Variants in SPTA1 observed in about 807,000 individuals in gnomAD.
SPTA1 encodes the protein spectrin alpha chain, erythrocytic 1.
A neutral mutation model predicts 324.7 loss-of-function variants in SPTA1; 177 were observed. The observed-to-expected ratio is 0.55, with a 90% CI of 0.48 to 0.62. SPTA1 has a LOEUF of 0.62. SPTA1 is among the 20% of genes least tolerant of loss of function. SPTA1 has a pLI of 0.00. For missense variants in SPTA1, 3,162 were observed against 2,883.6 expected, an observed-to-expected ratio of 1.10 and a Z score of -2.21; for synonymous variants, 1,195 against 1,041.3, an observed-to-expected ratio of 1.15 and a Z score of -2.84.
chr1:158,612,684 A>T, intron 51 of SPTA1, 133 bp downstream of exon 51: 1 of 933,788 alleles, frequency 1.1e-6, no homozygotes, highest in South Asian at 1.4e-5. Context: ...AAAGCAAATG[A>T]CATCTTGTGA....
At chr1:158,619,620 T>C (rs538192633) in intron 44 of SPTA1, among the ~76,000 whole-genome samples, 1 of 152,278 alleles carries the variant, frequency 6.6e-6, no homozygotes, top group Admixed American at 6.5e-5. Context: ...ATAATTTCTT[T>C]TGGGGAAATT....
chr1:158,622,936 A>C (rs1435272656), intron 43 of SPTA1, 47 bp downstream of exon 43: 1 of 1,498,510 alleles, frequency 6.7e-7, no homozygotes, highest in African/African-American at 1.4e-5. Context: ...TTCATGGCTA[A>C]TATACAGGTA....
At position 158,640,020 on chromosome 1, in the gene SPTA1, G is replaced by C. The variant is rs1430075582; in HGVS notation, c.4738-13C>G. The C allele has an allele frequency of 6.2e-7, 1 of 1,613,744 alleles. No homozygotes were observed. On this transcript the variant is annotated splice_polypyrimidine_tract_variant and intron_variant, in intron 33 of 51. Coordinates refer to ENST00000643759, the MANE Select transcript of SPTA1 (RefSeq NM_003126.4). ...GTTCCAGTTGCTCCTAACCCAAGGAGAGTGAGGAGTCATTACAATCTTTAG... is the reference window on the plus strand; with the variant it reads ...GTTCCAGTTGCTCCTAACCCAAGGACAGTGAGGAGTCATTACAATCTTTAG...
chr1:158,661,998 GTA>G (rs1653252942), intron 17 of SPTA1, among the ~76,000 whole-genome samples: 1 of 152,092 alleles, frequency 6.6e-6, no homozygotes, highest in Non-Finnish European at 1.5e-5. Flanking sequence ...TATCCTCCCT[GTA>G]TCCTAACCAT....
intron 27 of SPTA1, among the ~76,000 whole-genome samples, chr1:158,646,591 G>C (rs1204361623): frequency 6.6e-6 from 1 of 152,144 alleles, no homozygotes; most frequent in Non-Finnish European, 1.5e-5. Context: ...TGTTAATGTT[G>C]CTCAGGGGTG....
At chr1:158,629,871 G>T (rs1650564446) in intron 39 of SPTA1, among the ~76,000 whole-genome samples, 1 of 151,468 alleles carries the variant, frequency 6.6e-6, no homozygotes. Flanking sequence ...ATCTGAAAAA[G>T]AAATTAAGAA....
intron 8 of SPTA1, among the ~76,000 whole-genome samples, chr1:158,675,436 G>T (rs1175716073): frequency 3.3e-5 from 5 of 152,092 alleles, no homozygotes; most frequent in Non-Finnish European, 7.3e-5. Flanking sequence ...ACAAGCAGGG[G>T]AAGATGGAAA....
intron 12 of SPTA1, among the ~76,000 whole-genome samples, chr1:158,670,055 A>G (rs1349820403): frequency 6.6e-6 from 1 of 152,130 alleles, no homozygotes; most frequent in Non-Finnish European, 1.5e-5. Context: ...GAGATGATTG[A>G]TTTATTCTTG....
intron 21 of SPTA1, 130 bp from the exon 22 acceptor site, chr1:158,653,555 G>T: frequency 1.6e-6 from 2 of 1,236,248 alleles, no homozygotes; most frequent in Non-Finnish European, 2.3e-6. Flanking sequence ...TGTCTAATGA[G>T]TGGCACATAA....
chr1:158,683,973 G>T (rs896830322), intron 2 of SPTA1, among the ~76,000 whole-genome samples: 17 of 151,562 alleles, frequency 1.1e-4, no homozygotes, highest in African/African-American at 4.1e-4. Flanking sequence ...AATTGCTTCT[G>T]ATTATGACAA....
At chr1:158,662,661 G>C in intron 17 of SPTA1, 41 bp downstream of exon 17, 1 of 1,612,580 alleles carries the variant, frequency 6.2e-7, no homozygotes. Context: ...TATAGACCTT[G>C]GTCCTTTCCT....
Position 158,647,654 on chromosome 1 carries a change from G to T in SPTA1, c.3781C>A (p.Gln1261Lys), listed in dbSNP as rs754819449. Residue 1261 changes from glutamine to lysine, a missense_variant, in exon 27 of 52, where the codon CAG becomes AAG. Gln to Lys is a moderately conservative substitution (Grantham distance 53, BLOSUM62 1). Transcript: ENST00000643759. ...ESHPDATEDL[Q>K]RQKMELNEAW... Reference sequence around the variant, plus strand: ...TCATTCAGCTCCATTTTCTGTCTCTGCAGGTCCTCAGTGGCATCTGGATGG... The same window carrying T: ...TCATTCAGCTCCATTTTCTGTCTCTTCAGGTCCTCAGTGGCATCTGGATGG... The T allele has an allele frequency of 6.8e-6, 11 of 1,613,918 alleles. No individual in the cohort carries two copies. Among genetic ancestry groups the T allele is most frequent in the Non-Finnish European group, 9.3e-6 (11 of 1,179,942 alleles).
chr1:158,650,179 C>T (rs577821319), intron 24 of SPTA1, among the ~76,000 whole-genome samples: 101 of 152,284 alleles, frequency 6.6e-4, no homozygotes, highest in African/African-American at 1.8e-3. Context: ...CCATCAACTC[C>T]GGAGCAGTAA....
At chr1:158,665,285 C>T (rs1653511377) in intron 16 of SPTA1, among the ~76,000 whole-genome samples, 1 of 152,132 alleles carries the variant, frequency 6.6e-6, no homozygotes, top group African/African-American at 2.4e-5. Flanking sequence ...TATGATTTTT[C>T]CTACTCCAGT....
chr1:158,681,403 C>A (rs1654798082), intron 4 of SPTA1, 124 bp downstream of exon 4: 3 of 1,520,756 alleles, frequency 2.0e-6, no homozygotes, highest in South Asian at 2.3e-5. Context: ...TCCTCTTGTT[C>A]CAAAGAACAA....
chr1:158,628,326 C>G (rs1650428598), intron 39 of SPTA1, among the ~76,000 whole-genome samples: 1 of 152,104 alleles, frequency 6.6e-6, no homozygotes, highest in Non-Finnish European at 1.5e-5. Context: ...CCATGACCAC[C>G]CACCACTGCC....
intron 2 of SPTA1, among the ~76,000 whole-genome samples, chr1:158,684,567 T>C (rs1020017230): frequency 6.6e-6 from 1 of 152,138 alleles, no homozygotes; most frequent in Non-Finnish European, 1.5e-5. Flanking sequence ...GATGAAGACA[T>C]GGACTATTTA....
At position 158,685,232 on chromosome 1, in the gene SPTA1, T is replaced by A; in HGVS notation, c.140A>T (p.Gln47Leu). Residue 47 changes from glutamine to leucine, a missense_variant, in exon 2 of 52, where the codon CAG becomes CTG. Gln to Leu is a moderately radical substitution (Grantham distance 113). Coordinates refer to ENST00000643759, the MANE Select transcript of SPTA1 (RefSeq NM_003126.4). ...TAAGTGATAGGAATCCTCAAGCTTC[T>A]GACCCCTCTCAGCGACCCGCTCCTT... ...SFKERVAERG[Q>L]KLEDSYHLQV... 1.2e-6 allele frequency: 2 copies of A among 1,613,788 alleles called. No individual in the cohort carries two copies. The highest frequency in any genetic ancestry group is 2.2e-5 in the South Asian group (2 of 91,080).
At chr1:158,680,053 A>G (rs376917096) in intron 5 of SPTA1, among the ~76,000 whole-genome samples, 2 of 152,158 alleles carry the variant, frequency 1.3e-5, no homozygotes, top group East Asian at 1.9e-4. Context: ...ATACATGTAA[A>G]CTTATATATA....
Sources: gnomAD v4.1 joint callset for allele counts (sites outside exome capture counted in the v4.1 genomes callset) on GRCh38, gnomAD v4.1.1 for gene constraint, MANE v1.5 for transcripts, NCBI Gene and HGNC (gene_info 2026-07-23, HGNC 2026-07-21) for gene names.